TMEM132B: variants seen among roughly 807,000 people sequenced by gnomAD.
TMEM132B encodes transmembrane protein 132B.
In TMEM132B, 18 loss-of-function variants were observed where a neutral mutation model predicts 90.8. The ratio of observed to expected loss-of-function variants is 0.20; its 90% CI spans 0.14 to 0.29. The LOEUF (loss-of-function observed/expected upper bound fraction) is 0.29, where lower values mean the gene tolerates loss of function less well. Among genes scored for constraint, TMEM132B ranks in the 10% least tolerant of loss-of-function variants. The probability of loss-of-function intolerance (pLI) is 1.00; values close to 1 mark genes in which losing one functional copy is unlikely to be tolerated. For synonymous variants in TMEM132B, 504 were observed against 523.3 expected (o/e 0.96, Z 0.50); for missense variants, 1,096 against 1,326.8 (o/e 0.83, Z 2.70).
At chr12:125,451,734 T>C (rs1048498284) in intron 3 of TMEM132B, among the ~76,000 whole-genome samples, 2 of 152,156 alleles carry the variant, frequency 1.3e-5, no homozygotes, top group South Asian at 4.1e-4. Flanking sequence ...GAAATGTTTG[T>C]GGAAATAATT....
At chr12:125,596,502 GAAAA>G (rs1342342430) in intron 5 of TMEM132B, among the ~76,000 whole-genome samples, 2 of 152,188 alleles carry the variant, frequency 1.3e-5, no homozygotes, top group African/African-American at 4.8e-5. Flanking sequence ...AATGCTGAGA[GAAAA>G]ATCTTAGCTC....
intron 5 of TMEM132B, among the ~76,000 whole-genome samples, chr12:125,612,790 AT>A (rs1187117606): frequency 1.3e-4 from 14 of 109,606 alleles, no homozygotes; most frequent in African/African-American, 4.1e-4. Flanking sequence ...TTAAAAATAT[AT>A]TTTTTTATTT....
intron 8 of TMEM132B, 36 bp downstream of exon 8, chr12:125,652,668 G>A: frequency 1.9e-6 from 3 of 1,578,546 alleles, no homozygotes; most frequent in Non-Finnish European, 2.6e-6. Context: ...CTTGGTCAGT[G>A]GGGATGACTT....
At chr12:125,204,921 T>G (rs1341874535) in intron 1 of TMEM132B, among the ~76,000 whole-genome samples, 1 of 150,392 alleles carries the variant, frequency 6.6e-6, no homozygotes, top group Non-Finnish European at 1.5e-5. Context: ...GGCAGGGTGC[T>G]CAGCCCTTTG....
chr12:125,654,386 G>A lies in TMEM132B; in HGVS notation c.2928G>A (p.Met976Ile). Residue 976 changes from methionine (M) to isoleucine (I), a missense_variant, in exon 9 of 9, where the codon ATG (methionine) becomes ATA (isoleucine). By Grantham distance (10) the Met-to-Ile change is conservative (BLOSUM62 1). Transcript: ENST00000682704. This position sits in a 1 kb window ranked among gnomAD's most constrained non-coding sequence, Gnocchi z 5.8. ...TCCCATCAGAGGAGTGCACAACCAT[G>A]ATAGACAGGGGCCTGCAGTTCGAGG... ...ITLPSEECTT[M>I]IDRGLQFEER... is the part of the protein sequence containing the mutation. 1.2e-6 allele frequency: 2 copies of A among 1,613,186 alleles called. No individual in the cohort carries two copies. Among genetic ancestry groups the A allele is most frequent in the Non-Finnish European group, 1.7e-6 (2 of 1,180,042 alleles).
intron 1 of TMEM132B, among the ~76,000 whole-genome samples, chr12:125,305,343 G>A (rs1389744797): frequency 2.0e-5 from 3 of 151,038 alleles, no homozygotes; most frequent in South Asian, 4.2e-4. Flanking sequence ...GGCATCAGCC[G>A]GAGCTCGTAA....
intron 1 of TMEM132B, among the ~76,000 whole-genome samples, chr12:125,200,276 A>T (rs1873024713): frequency 6.6e-6 from 1 of 152,268 alleles, no homozygotes; most frequent in African/African-American, 2.4e-5. Context: ...GAAGTATTAT[A>T]GATAAGCCTG....
intron 2 of TMEM132B, among the ~76,000 whole-genome samples, chr12:125,411,843 T>G (rs1879856041): frequency 6.6e-6 from 1 of 152,164 alleles, no homozygotes; most frequent in Non-Finnish European, 1.5e-5. Flanking sequence ...CCGATGGTCC[T>G]GATGTGCAGC....
chr12:125,647,914 T>TA (rs1886806843), intron 6 of TMEM132B, among the ~76,000 whole-genome samples: 3 of 149,658 alleles, frequency 2.0e-5, no homozygotes, highest in African/African-American at 7.4e-5. Flanking sequence ...TTTTTTTTTT[T>TA]AATTATACTT....
chr12:125,297,491 A>T (rs571249199), intron 1 of TMEM132B, among the ~76,000 whole-genome samples: 97 of 152,358 alleles, frequency 6.4e-4, no homozygotes, highest in Non-Finnish European at 1.2e-3. Flanking sequence ...GCAGAGCAGG[A>T]CCACGCTTCA....
At chr12:125,326,244 A>C (rs1876559587) in intron 1 of TMEM132B, among the ~76,000 whole-genome samples, 1 of 152,198 alleles carries the variant, frequency 6.6e-6, no homozygotes, top group Non-Finnish European at 1.5e-5. Context: ...CCTAATAAGA[A>C]AAGAACTCTG....
chr12:125,354,398 T>A (rs1877697205), intron 2 of TMEM132B, among the ~76,000 whole-genome samples: 1 of 152,180 alleles, frequency 6.6e-6, no homozygotes, highest in African/African-American at 2.4e-5. Flanking sequence ...ATTTAGCAAA[T>A]TAGAACTAGC....
intron 1 of TMEM132B, among the ~76,000 whole-genome samples, chr12:125,260,142 A>G (rs564786162): frequency 6.6e-5 from 10 of 152,080 alleles, no homozygotes; most frequent in African/African-American, 2.2e-4. Flanking sequence ...GTACCCAGAG[A>G]CGTATTTTGT....
chr12:125,573,559 G>A (rs537250602), intron 4 of TMEM132B, among the ~76,000 whole-genome samples: 2 of 152,252 alleles, frequency 1.3e-5, no homozygotes, highest in Admixed American at 6.5e-5. Context: ...ATAATGTGCC[G>A]AAAGTTACTT....
intron 1 of TMEM132B, among the ~76,000 whole-genome samples, chr12:125,195,742 A>G (rs1872909913): frequency 6.6e-6 from 1 of 151,974 alleles, no homozygotes; most frequent in Non-Finnish European, 1.5e-5. Context: ...GTGGCATCTG[A>G]ACAAAGACCT....
Position 125,277,271 on chromosome 12 carries a change from G to A in TMEM132B, c.68-72181G>A, listed in dbSNP as rs958369980. Among the ~76,000 whole-genome samples the A allele has an allele frequency of 2.0e-5, 3 of 152,042 alleles. No homozygotes were observed. Among genetic ancestry groups the A allele is most frequent in the Non-Finnish European group, 4.4e-5 (3 of 68,018 alleles). On this transcript the variant is annotated intron_variant, in intron 1 of 8. Transcript: ENST00000682704. The surrounding 1 kb of genome is among the most constrained non-coding windows in gnomAD (Gnocchi z 4.3). ...TGAGGCAGGTGGATTACAAGGTCAG[G>A]AGTTCAAGACCAGCCTGGCCAACAT...
At chr12:125,534,761 C>T (rs910084584) in intron 4 of TMEM132B, among the ~76,000 whole-genome samples, 5 of 151,896 alleles carry the variant, frequency 3.3e-5, no homozygotes, top group African/African-American at 9.7e-5. Context: ...GTTACATCCG[C>T]TCTTTCAGAT....
chr12:125,345,043 G>A (rs1415016048), intron 1 of TMEM132B, among the ~76,000 whole-genome samples: 2 of 152,086 alleles, frequency 1.3e-5, no homozygotes, highest in African/African-American at 4.8e-5. Context: ...TTATTCCCGC[G>A]GTACCCAGGT....
intron 1 of TMEM132B, among the ~76,000 whole-genome samples, chr12:125,258,847 C>T (rs1033060234): frequency 1.3e-5 from 2 of 152,208 alleles, no homozygotes; most frequent in African/African-American, 4.8e-5. Context: ...GGATGATCAG[C>T]AAAGGCCTCT....
Sources: gnomAD v4.1 joint callset for allele counts (sites outside exome capture counted in the v4.1 genomes callset) on GRCh38, gnomAD v4.1.1 for gene constraint, Gnocchi (gnomAD v3.1) non-coding constraint, MANE v1.5 for transcripts, NCBI Gene and HGNC (gene_info 2026-07-23, HGNC 2026-07-21) for gene names.